Variants in CLNK observed in about 807,000 individuals in gnomAD.
CLNK encodes cytokine-dependent hematopoietic cell linker.
A neutral mutation model predicts 68.6 loss-of-function variants in CLNK; 74 were observed. That is an observed-to-expected ratio of 1.08 (90% confidence interval 0.89 to 1.31). The LOEUF (loss-of-function observed/expected upper bound fraction) is 1.31, where lower values mean the gene tolerates loss of function less well. Among genes scored for constraint, CLNK ranks in the 50% most tolerant of loss-of-function variants. The pLI is 0.00. For synonymous variants in CLNK, 198 were observed against 172.2 expected, an observed-to-expected ratio of 1.15 and a Z score of -1.17; for missense variants, 553 against 515.3, an observed-to-expected ratio of 1.07 and a Z score of -0.71.
the CLNK span, among the ~76,000 whole-genome samples, chr4:10,699,318 C>CACACACCACATACGTGTGTGTAT: frequency 1.2e-5 from 1 of 80,388 alleles, no homozygotes; most frequent in Admixed American, 1.3e-4. Flanking sequence ...TACGTGTATA[C>CACACACCACATACGTGTGTGTAT]ACACACACCA....
the CLNK span, among the ~76,000 whole-genome samples, chr4:10,719,956 TG>T: frequency 1.3e-5 from 2 of 151,788 alleles, no homozygotes; most frequent in Non-Finnish European, 2.9e-5. Flanking sequence ...AAATAACCCA[TG>T]GGTCAAAGAG....
At chr4:10,733,294 C>G in the CLNK span, among the ~76,000 whole-genome samples, 1 of 152,128 alleles carries the variant, frequency 6.6e-6, no homozygotes, top group African/African-American at 2.4e-5. Flanking sequence ...CTTCAAGTCA[C>G]CACCACCCCG....
chr4:10,591,263 G>T (rs958964152), intron 3 of CLNK, among the ~76,000 whole-genome samples: 1 of 152,144 alleles, frequency 6.6e-6, no homozygotes, highest in Non-Finnish European at 1.5e-5. Context: ...ATATTCTAGG[G>T]AATAGGTATG....
intron 4 of CLNK, among the ~76,000 whole-genome samples, chr4:10,582,956 C>T (rs1448379631): frequency 6.6e-6 from 1 of 152,122 alleles, no homozygotes; most frequent in Non-Finnish European, 1.5e-5. Context: ...TGCTTTTTCA[C>T]AAAATCACAT....
intron 2 of CLNK, among the ~76,000 whole-genome samples, chr4:10,634,313 G>T (rs966302718): frequency 2.6e-5 from 4 of 152,192 alleles, no homozygotes; most frequent in African/African-American, 2.4e-5. Context: ...ATTTTGGGAG[G>T]TGTCCCCCAC....
chr4:10,625,516 C>T lies in CLNK; in HGVS notation c.12-27467G>A, dbSNP rs147714801. Among the ~76,000 whole-genome samples the T allele has an allele frequency of 6.8e-3, 1,036 of 152,078 alleles. 11 individuals are homozygous for T. Among genetic ancestry groups the T allele is most frequent in the African/African-American group, 0.023 (958 of 41,460 alleles). The stretch of plus-strand genomic sequence containing the variant: ...TGCCAGATGGTTATTGTACTACAGG[C>T]GTGTGCAGGTGCATGTGCTTGTGTG... On this transcript the variant is annotated intron_variant, in intron 2 of 18. Transcript: ENST00000226951.
intron 2 of CLNK, among the ~76,000 whole-genome samples, chr4:10,664,763 C>A (rs1234997564): frequency 6.6e-6 from 1 of 152,204 alleles, no homozygotes; most frequent in African/African-American, 2.4e-5. Flanking sequence ...CAGCATCTCC[C>A]AGCTCAGGAC....
intron 2 of CLNK, among the ~76,000 whole-genome samples, chr4:10,625,757 C>CAGAGACAGAGGCAGAGATAGACAGGA (rs1722643218): frequency 6.6e-6 from 1 of 152,062 alleles, no homozygotes; most frequent in Admixed American, 6.5e-5. Context: ...CAGAGAGTGA[C>CAGAGACAGAGGCAGAGATAGACAGGA]AGAGACAGAG....
In CLNK at chr4:10,593,122, G is replaced by T. The variant is rs555078203; in HGVS notation, c.83+4856C>A. On this transcript the variant is annotated intron_variant, in intron 3 of 18. Transcript: ENST00000226951. ...CCTGCATCCTCTGTGAAAGAACCTA[G>T]GACCTGTCACAAAGCTCTTTGCTTG... Among the ~76,000 whole-genome samples, 7 of 152,312 alleles carry T rather than the reference G, an allele frequency of 4.6e-5. No individual in the cohort carries two copies. The East Asian group carries it at 1.4e-3, about 29-fold the overall frequency.
intron 1 of CLNK, among the ~76,000 whole-genome samples, chr4:10,683,286 G>GTGAA (rs1052223218): frequency 6.6e-6 from 1 of 152,168 alleles, no homozygotes; most frequent in African/African-American, 2.4e-5. Flanking sequence ...ATCCCCTGGT[G>GTGAA]TTCAGGCCAG....
intron 2 of CLNK, among the ~76,000 whole-genome samples, chr4:10,633,157 C>T (rs915603751): frequency 1.6e-4 from 24 of 152,140 alleles, no homozygotes; most frequent in Admixed American, 8.5e-4. Flanking sequence ...AGGCTGGTCT[C>T]GAACTCCTGA....
At chr4:10,619,769 G>GT (rs1722362275) in intron 2 of CLNK, among the ~76,000 whole-genome samples, 1 of 152,206 alleles carries the variant, frequency 6.6e-6, no homozygotes, top group Non-Finnish European at 1.5e-5. Context: ...AGGCTCTCAA[G>GT]TAGTCTTTCC....
the CLNK span, among the ~76,000 whole-genome samples, chr4:10,694,559 G>T: frequency 1.3e-5 from 2 of 152,112 alleles, no homozygotes; most frequent in Non-Finnish European, 2.9e-5. Context: ...TGCTGTACAG[G>T]TTTGTAGCCT....
intron 2 of CLNK, among the ~76,000 whole-genome samples, chr4:10,599,510 A>G (rs2531178): frequency 0.4 from 60,782 of 152,006 alleles, 13,404 homozygotes; most frequent in Non-Finnish European, 0.5. Flanking sequence ...TTCTATCCAA[A>G]TACAGCTTAA....
intron 3 of CLNK, among the ~76,000 whole-genome samples, chr4:10,586,155 T>C (rs1335693704): frequency 7.1e-6 from 1 of 141,034 alleles, no homozygotes; most frequent in Non-Finnish European, 1.5e-5. Flanking sequence ...CACCTCCTGC[T>C]GTGCCCAGTT....
At chr4:10,645,779 G>A (rs1231082832) in intron 2 of CLNK, among the ~76,000 whole-genome samples, 2 of 152,106 alleles carry the variant, frequency 1.3e-5, no homozygotes, top group Non-Finnish European at 2.9e-5. Flanking sequence ...GTACAGTAGG[G>A]AAATTAGAGT....
At chr4:10,575,477 TC>T (rs1193625143) in intron 4 of CLNK, among the ~76,000 whole-genome samples, 2 of 152,268 alleles carry the variant, frequency 1.3e-5, no homozygotes, top group East Asian at 3.8e-4. Flanking sequence ...AGAGCGCCTC[TC>T]CAGCGCTGTT....
chr4:10,535,523 G>C lies in CLNK; in HGVS notation c.603-3240C>G, dbSNP rs10461083. Among the ~76,000 whole-genome samples the C allele has an allele frequency of 7.5e-3, 1,142 of 152,260 alleles. 19 individuals are homozygous for C. Among genetic ancestry groups the C allele is most frequent in the East Asian group, 0.049 (252 of 5,184 alleles). ...CAAACCGGGCCTGGTGTGTAGTTAC[G>C]ACTCAGAAAATGTTGTTGATTACTC... On this transcript the variant is annotated intron_variant, in intron 11 of 18. Coordinates refer to ENST00000226951, the MANE Select transcript of CLNK (RefSeq NM_052964.4).
At chr4:10,597,425 A>C (rs1721427178) in intron 3 of CLNK, among the ~76,000 whole-genome samples, 1 of 152,194 alleles carries the variant, frequency 6.6e-6, no homozygotes, top group African/African-American at 2.4e-5. Context: ...GGATTCGATC[A>C]AGTTCTGAGC....
Sources: gnomAD v4.1 joint callset for allele counts (sites outside exome capture counted in the v4.1 genomes callset) on GRCh38, gnomAD v4.1.1 for gene constraint, MANE v1.5 for transcripts, NCBI Gene and HGNC (gene_info 2026-07-23, HGNC 2026-07-21) for gene names.